UGT1A5: variants seen among roughly 807,000 people sequenced by gnomAD.
The protein encoded by UGT1A5 is UDP glucuronosyltransferase family 1 member A5.
A neutral mutation model predicts 40.3 loss-of-function variants in UGT1A5; 29 were observed. That is an observed-to-expected ratio of 0.72 (90% CI 0.54 to 0.98). The LOEUF is 0.98. Among genes scored for constraint, UGT1A5 ranks in the 50% least tolerant of loss-of-function variants. UGT1A5 has a pLI of 0.00. For missense variants in UGT1A5, 678 were observed against 677.9 expected (o/e 1.00, Z 0.00); for synonymous variants, 257 against 262.5 (o/e 0.98, Z 0.20).
chr2:233,743,604 C>T (rs780370004), intron 1 of UGT1A5: 10 of 1,367,184 alleles, frequency 7.3e-6, no homozygotes, highest in Middle Eastern at 2.1e-4. Flanking sequence ...TCCTGGCCGC[C>T]GAAGAACTCC....
chr2:233,757,888 A>G (rs182101094), intron 1 of UGT1A5, among the ~76,000 whole-genome samples: 97 of 152,124 alleles, frequency 6.4e-4, no homozygotes, highest in African/African-American at 2.1e-3. Flanking sequence ...GGGTTCCAGA[A>G]ACACTTTCCA....
chr2:233,725,862 C>A (rs1291459047), intron 1 of UGT1A5, among the ~76,000 whole-genome samples: 1 of 152,150 alleles, frequency 6.6e-6, no homozygotes, highest in African/African-American at 2.4e-5. Context: ...TTCCCCATCT[C>A]TTTTAATTTG....
At chr2:233,716,672 C>G (rs2076519227) in intron 1 of UGT1A5, among the ~76,000 whole-genome samples, 1 of 151,920 alleles carries the variant, frequency 6.6e-6, no homozygotes, top group Admixed American at 6.6e-5. Context: ...CTTTGTTTAC[C>G]CCAAGATATA....
In UGT1A5 at chr2:233,767,887, T is replaced by TG; in HGVS notation, c.1039dup (p.Ala347GlyfsTer8). ...ACACTGGAACCCGACCATCGAATCTTGCGAACAACACGATACTTGTTAAGT... is the reference window on the plus strand; with the variant it reads ...ACACTGGAACCCGACCATCGAATCTTGGCGAACAACACGATACTTGTTAAGT... On this transcript the variant is annotated frameshift_variant, in exon 3 of 5. Transcript: ENST00000373414. LOFTEE classifies it high-confidence loss of function. 2 of 1,614,208 alleles carry TG rather than the reference T, an allele frequency of 1.2e-6. No individual in the cohort carries two copies. Among genetic ancestry groups the TG allele is most frequent in the Non-Finnish European group, 8.5e-7 (1 of 1,180,046 alleles).
At chr2:233,731,656 T>G (rs62191916) in intron 1 of UGT1A5, among the ~76,000 whole-genome samples, 12,108 of 152,302 alleles carry the variant, frequency 0.079, 643 homozygotes, top group East Asian at 0.2. Context: ...GGTGTATATG[T>G]GCCACATTTT....
intron 1 of UGT1A5, among the ~76,000 whole-genome samples, chr2:233,727,911 G>A (rs1410482516): frequency 1.3e-5 from 2 of 152,196 alleles, no homozygotes; most frequent in Non-Finnish European, 2.9e-5. Context: ...AGAAGACACA[G>A]GGGCAGTGAG....
chr2:233,729,753 A>C (rs1211638875), intron 1 of UGT1A5: 1 of 1,613,964 alleles, frequency 6.2e-7, no homozygotes, highest in Non-Finnish European at 8.5e-7. Flanking sequence ...CATTCATGCA[A>C]AGGGTCAAGA....
intron 1 of UGT1A5, among the ~76,000 whole-genome samples, chr2:233,728,087 A>G (rs1166849113): frequency 6.6e-6 from 1 of 152,214 alleles, no homozygotes; most frequent in Non-Finnish European, 1.5e-5. Context: ...TCTCTCCTTT[A>G]GAAAGGCACA....
rs542172440 is a variant in UGT1A5 at position 233,772,689 on chromosome 2, A to C, written c.*130A>C. ...CTTTGCATAAATTAATCAGCCCCAG[A>C]GTGCTTTAAAAAATTCTCTTAAATA... On this transcript the variant is annotated 3_prime_UTR_variant, in exon 5 of 5. Transcript: ENST00000373414. 4.0e-6 allele frequency: 6 copies of C among 1,492,458 alleles called. No homozygotes were observed. In the African/African-American group the frequency reaches 8.5e-5, roughly 21 times the overall value. 92.5% of individuals were successfully genotyped at this position (1,492,458 alleles called of 1,614,324 possible). A position where few individuals can be genotyped will look rare whatever the true frequency, so the allele number is the denominator to read the frequency against.
intron 1 of UGT1A5, among the ~76,000 whole-genome samples, chr2:233,740,241 T>A (rs774118650): frequency 4.0e-5 from 6 of 151,874 alleles, no homozygotes; most frequent in Non-Finnish European, 7.3e-5. Flanking sequence ...AGGCTGAGAA[T>A]AGACTAATAC....
intron 1 of UGT1A5, among the ~76,000 whole-genome samples, chr2:233,748,430 T>A (rs1693942914): frequency 6.6e-6 from 1 of 151,778 alleles, no homozygotes; most frequent in Non-Finnish European, 1.5e-5. Flanking sequence ...CCATCTGGAT[T>A]TTTTGTTTGC....
chr2:233,757,160 CAG>C (rs980635310), intron 1 of UGT1A5, among the ~76,000 whole-genome samples: 33 of 151,262 alleles, frequency 2.2e-4, no homozygotes, highest in African/African-American at 7.8e-4. Context: ...GGGTCTATCC[CAG>C]AGTTTTGAGA....
chr2:233,754,105 C>T (rs1695394703), intron 1 of UGT1A5, among the ~76,000 whole-genome samples: 1 of 152,196 alleles, frequency 6.6e-6, no homozygotes, highest in South Asian at 2.1e-4. Context: ...TCAACTCTTC[C>T]TACATCACGA....
At position 233,772,470 on chromosome 2, in the gene UGT1A5, A is replaced by G. The variant is rs1372118451; in HGVS notation, c.1516A>G (p.Ile506Val). 4 of 1,614,038 alleles carry G rather than the reference A, an allele frequency of 2.5e-6. No homozygotes were observed. The Admixed American group carries it at 5.0e-5, about 20-fold the overall frequency. Residue 506 changes from isoleucine (I) to valine (V), a missense_variant, in exon 5 of 5, where the codon ATC becomes GTC. Coordinates refer to ENST00000373414, the MANE Select transcript of UGT1A5 (RefSeq NM_019078.2). Reference protein sequence around the residue: ...LLAVVLTVAFITFKCCAYGYR... With the variant: ...LLAVVLTVAFVTFKCCAYGYR... ...GGCCGTCGTGCTGACAGTGGCCTTC[A>G]TCACCTTTAAATGTTGTGCTTATGG...
intron 1 of UGT1A5, among the ~76,000 whole-genome samples, chr2:233,762,012 G>T (rs1697937713): frequency 6.6e-6 from 1 of 152,134 alleles, no homozygotes; most frequent in Non-Finnish European, 1.5e-5. Context: ...CCTCCAATGT[G>T]ATTTGTATTT....
rs2126067607 is a variant in UGT1A5 at position 233,772,789 on chromosome 2, G to C, written c.*230G>C. 2 of 1,234,682 alleles carry C rather than the reference G, an allele frequency of 1.6e-6. No homozygotes were observed. Among genetic ancestry groups the C allele is most frequent in the Middle Eastern group, 2.9e-4 (1 of 3,420 alleles). The allele number at this position is 1,234,682 out of a possible 1,614,324, so 76.5% of individuals were successfully genotyped here. On this transcript the variant is annotated 3_prime_UTR_variant, in exon 5 of 5. Transcript: ENST00000373414. Reference sequence around the variant, plus strand: ...CCCCTCTGGTGTCTTTGATCAGGATGACATGTGCCATTTTTCAGAGGACGT... The same window carrying C: ...CCCCTCTGGTGTCTTTGATCAGGATCACATGTGCCATTTTTCAGAGGACGT...
intron 4 of UGT1A5, among the ~76,000 whole-genome samples, chr2:233,768,745 G>A (rs1699716714): frequency 1.3e-5 from 2 of 151,730 alleles, no homozygotes; most frequent in Admixed American, 1.3e-4. Context: ...ACCACGCCCG[G>A]TTAATTTTTG....
intron 1 of UGT1A5, among the ~76,000 whole-genome samples, chr2:233,731,422 C>T (rs547999595): frequency 2.0e-5 from 3 of 152,028 alleles, no homozygotes; most frequent in Non-Finnish European, 4.4e-5. Context: ...TTTCCTAATG[C>T]CATCCCTCCC....
intron 1 of UGT1A5, among the ~76,000 whole-genome samples, chr2:233,749,509 A>G (rs912225239): frequency 2.6e-5 from 4 of 151,940 alleles, no homozygotes; most frequent in African/African-American, 7.3e-5. Context: ...GAATTAGAGA[A>G]CACTAGCAAG....
Sources: allele counts gnomAD v4.1 joint callset (sites outside exome capture counted in the v4.1 genomes callset), GRCh38; gene constraint gnomAD v4.1.1; transcripts MANE v1.5; gene names NCBI Gene and HGNC (gene_info 2026-07-23, HGNC 2026-07-21).